The following SMAP1 variants were observed in gnomAD, a reference collection of about 807,000 sequenced individuals.
SMAP1 encodes stromal membrane-associated protein 1.
Under a neutral mutation model 58.5 loss-of-function variants are expected in SMAP1, and 24 were observed. That is an observed-to-expected ratio of 0.41 (90% CI 0.30 to 0.58). The LOEUF (loss-of-function observed/expected upper bound fraction) is 0.58. Ranked by LOEUF, SMAP1 falls within the 20% of genes least tolerant of loss-of-function variation. The pLI, the probability that SMAP1 is intolerant of heterozygous loss-of-function variation, is 0.29. For missense variants in SMAP1, 563 were observed against 566.3 expected (o/e 0.99, Z 0.06); for synonymous variants, 216 against 196.6 (o/e 1.10, Z -0.82).
intron 1 of SMAP1, among the ~76,000 whole-genome samples, chr6:70,672,009 C>T (rs1228760865): frequency 6.6e-6 from 1 of 152,126 alleles, no homozygotes; most frequent in East Asian, 1.9e-4. Flanking sequence ...TTTTGTTTAG[C>T]CTGTCTGATA....
chr6:70,856,921 A>G lies in SMAP1; in HGVS notation c.852A>G (p.Leu284=), dbSNP rs1039635068. 22 of 1,613,956 alleles carry G rather than the reference A, an allele frequency of 1.4e-5. No homozygotes were observed. The highest frequency in any genetic ancestry group is 1.8e-5 in the Non-Finnish European group (21 of 1,179,850). ...CAGTAACATCTGGGGATCTAGATTT[A>G]TTCACTGAGCAAACTACAAAATCAG... ...LSTVTSGDLD[L]FTEQTTKSEE... is the part of the protein sequence containing the mutation. The change falls in exon 9 of 11, where the codon TTA becomes TTG. Residue 284 remains leucine (L), a synonymous_variant. Transcript: ENST00000370455.
chr6:70,781,398 T>G (rs1167352145), intron 4 of SMAP1, among the ~76,000 whole-genome samples: 1 of 152,134 alleles, frequency 6.6e-6, no homozygotes, highest in Admixed American at 6.5e-5. Context: ...CGTTTTCAGC[T>G]TTTTTAATCC....
chr6:70,793,671 A>G (rs1297365185), intron 5 of SMAP1, among the ~76,000 whole-genome samples: 1 of 149,634 alleles, frequency 6.7e-6, no homozygotes, highest in Non-Finnish European at 1.5e-5. Flanking sequence ...AGAGAGAGAG[A>G]GAAAGCTTAA....
chr6:70,823,938 T>A (rs1770002629), intron 6 of SMAP1, among the ~76,000 whole-genome samples: 1 of 151,248 alleles, frequency 6.6e-6, no homozygotes, highest in African/African-American at 2.4e-5. Context: ...GAGGTAAAAC[T>A]CAGAAGGGTG....
At chr6:70,817,134 A>T (rs1582247354) in intron 6 of SMAP1, among the ~76,000 whole-genome samples, 2 of 145,790 alleles carry the variant, frequency 1.4e-5, no homozygotes, top group African/African-American at 5.2e-5. Flanking sequence ...ATATATATAT[A>T]TATATTTTTT....
At chr6:70,708,571 C>T (rs1433721639) in intron 1 of SMAP1, among the ~76,000 whole-genome samples, 1 of 152,160 alleles carries the variant, frequency 6.6e-6, no homozygotes, top group African/African-American at 2.4e-5. Flanking sequence ...TACCAATTTA[C>T]ATTCATACCA....
rs1329235746 is a variant in SMAP1 at position 70,732,365 on chromosome 6, T to C, written c.119-13T>C. On this transcript the variant is annotated splice_polypyrimidine_tract_variant and intron_variant, in intron 1 of 10. Coordinates refer to ENST00000370455, the MANE Select transcript of SMAP1 (RefSeq NM_001044305.3). ...ACATTTGCTTTTTTTTGTGGTTTCTTCTTCTAAATTAGGTCCTCGATGGGC... is the reference window on the plus strand; with the variant it reads ...ACATTTGCTTTTTTTTGTGGTTTCTCCTTCTAAATTAGGTCCTCGATGGGC... 1 of 1,598,614 alleles carries C rather than the reference T, an allele frequency of 6.3e-7. No individual in the cohort carries two copies. Among genetic ancestry groups the C allele is most frequent in the South Asian group, 1.1e-5 (1 of 87,548 alleles).
At chr6:70,797,921 C>G (rs536414206) in intron 5 of SMAP1, among the ~76,000 whole-genome samples, 7 of 152,172 alleles carry the variant, frequency 4.6e-5, no homozygotes, top group African/African-American at 1.4e-4. Context: ...TGTTTAATCT[C>G]TTTTCATTTT....
At chr6:70,715,417 T>C (rs147207933) in intron 1 of SMAP1, among the ~76,000 whole-genome samples, 186 of 152,374 alleles carry the variant, frequency 1.2e-3, no homozygotes, top group Middle Eastern at 3.4e-3. Context: ...GGATTAATCC[T>C]ATTTGGTATC....
intron 7 of SMAP1, among the ~76,000 whole-genome samples, chr6:70,847,586 G>C (rs1771040642): frequency 6.6e-6 from 1 of 152,046 alleles, no homozygotes; most frequent in African/African-American, 2.4e-5. Context: ...AATTTCTTCT[G>C]TTTGCTCATT....
intron 3 of SMAP1, among the ~76,000 whole-genome samples, chr6:70,770,155 G>C (rs1350591328): frequency 1.3e-5 from 2 of 151,658 alleles, no homozygotes; most frequent in Admixed American, 6.6e-5. Context: ...TGGGTAACCC[G>C]ACCTTTCTCT....
intron 4 of SMAP1, among the ~76,000 whole-genome samples, chr6:70,776,880 C>G (rs1345094654): frequency 6.6e-6 from 1 of 152,136 alleles, no homozygotes; most frequent in South Asian, 2.1e-4. Context: ...CTTTAAAAAT[C>G]TGTTCATCTA....
At chr6:70,702,048 T>G (rs1328722671) in intron 1 of SMAP1, among the ~76,000 whole-genome samples, 1 of 152,248 alleles carries the variant, frequency 6.6e-6, no homozygotes, top group Non-Finnish European at 1.5e-5. Context: ...TTTTGCTGTT[T>G]GTGAGTTTCC....
chr6:70,785,641 A>C (rs1303662887), intron 4 of SMAP1, among the ~76,000 whole-genome samples: 3 of 152,234 alleles, frequency 2.0e-5, no homozygotes, highest in Non-Finnish European at 4.4e-5. Context: ...TCCCACAGAA[A>C]TACAAACTAC....
chr6:70,799,084 ACT>A (rs1269434350), intron 6 of SMAP1, among the ~76,000 whole-genome samples: 3 of 152,216 alleles, frequency 2.0e-5, no homozygotes, highest in East Asian at 1.9e-4. Context: ...TTCAGAAAAG[ACT>A]CTGCTTAAGG....
At chr6:70,860,069 G>C in intron 10 of SMAP1, 131 bp from the exon 11 acceptor site, 2 of 993,136 alleles carry the variant, frequency 2.0e-6, no homozygotes, top group Non-Finnish European at 2.9e-6. Flanking sequence ...TATTTGTATG[G>C]TACTCTGTTT....
At chr6:70,803,961 CT>C (rs899731883) in intron 6 of SMAP1, among the ~76,000 whole-genome samples, 10 of 152,114 alleles carry the variant, frequency 6.6e-5, no homozygotes, top group Non-Finnish European at 1.2e-4. Flanking sequence ...AATGTATATT[CT>C]GTTGATTTGG....
intron 2 of SMAP1, among the ~76,000 whole-genome samples, chr6:70,742,730 C>A (rs936817317): frequency 8.5e-5 from 13 of 152,224 alleles, no homozygotes; most frequent in Non-Finnish European, 7.4e-5. Context: ...TAAAGACATA[C>A]CCAAGACTGG....
intron 6 of SMAP1, among the ~76,000 whole-genome samples, chr6:70,804,930 CT>C (rs199998515): frequency 2.0e-3 from 280 of 142,796 alleles, no homozygotes; most frequent in Admixed American, 2.3e-3. Flanking sequence ...GTCCTTAACA[CT>C]TTTTTTTTTT....
Sources: allele counts gnomAD v4.1 joint callset (sites outside exome capture counted in the v4.1 genomes callset), GRCh38; gene constraint gnomAD v4.1.1; transcripts MANE v1.5; gene names NCBI Gene and HGNC (gene_info 2026-07-23, HGNC 2026-07-21).